The following KCTD1 variants were observed in gnomAD, a reference collection of about 807,000 sequenced individuals.
KCTD1 encodes potassium channel tetramerization domain containing 1.
In KCTD1, 24 loss-of-function variants were observed where a neutral mutation model predicts 66.0. The observed-to-expected ratio is 0.36, with a 90% confidence interval of 0.26 to 0.51. The LOEUF is 0.51. KCTD1 is among the 20% of genes least tolerant of loss of function. The pLI is 0.95. For synonymous variants in KCTD1, 511 were observed against 517.2 expected (o/e 0.99, Z 0.16); for missense variants, 943 against 1,205.2 (o/e 0.78, Z 3.22).
At chr18:26,635,976 C>T (rs1156849815) in intron 1 of KCTD1, among the ~76,000 whole-genome samples, 1 of 152,068 alleles carries the variant, frequency 6.6e-6, no homozygotes, top group Non-Finnish European at 1.5e-5. Context: ...GGACACACAC[C>T]AGGGAACTGC....
At position 26,547,109 on chromosome 18, in the gene KCTD1, C is replaced by A. The variant is rs1009227562; in HGVS notation, c.1428G>T (p.Pro476=). 51 of 1,548,770 alleles carry A rather than the reference C, an allele frequency of 3.3e-5. No individual in the cohort carries two copies. The highest frequency in any genetic ancestry group is 4.3e-5 in the Non-Finnish European group (49 of 1,146,706). ...GIGTKLGSPA[P]QGCYAEALNG... ...TCAGAGCCTCGGCGTAGCAGCCCTGCGGGGCGGGCGAGCCCAGCTTGGTGC... is the reference window on the plus strand; with the variant it reads ...TCAGAGCCTCGGCGTAGCAGCCCTGAGGGGCGGGCGAGCCCAGCTTGGTGC... The change falls in exon 1 of 5, where the codon CCG becomes CCT. Residue 476 remains proline (P), a synonymous_variant. Transcript: ENST00000580059.
rs958567838 is a variant in KCTD1, at chr18:26,629,116, T to C, written c.-16+31A>G. On this transcript the variant is annotated intron_variant, in intron 1 of 4. Transcript: ENST00000317932. ...ATGGCAACAAATCTACAACAAATTATGAGGGAGGAAGTGTGGAAGGGTTTT... is the reference window on the plus strand; with the variant it reads ...ATGGCAACAAATCTACAACAAATTACGAGGGAGGAAGTGTGGAAGGGTTTT... 8 of 936,668 alleles carry C rather than the reference T, an allele frequency of 8.5e-6. No individual in the cohort carries two copies. The Admixed American group carries it at 1.9e-4, about 22-fold the overall frequency. The allele number at this position is 936,668 out of a possible 1,614,324, so 58.0% of individuals were successfully genotyped here. A position where few individuals can be genotyped will look rare whatever the true frequency, so the allele number is the denominator to read the frequency against.
chr18:26,479,292 A>G (rs6508445), intron 2 of KCTD1, among the ~76,000 whole-genome samples: 111,916 of 151,956 alleles, frequency 0.74, 41,961 homozygotes, highest in East Asian at 0.99. Context: ...GGAAGGCCTG[A>G]ATTCCACCCA....
intron 1 of KCTD1, among the ~76,000 whole-genome samples, chr18:26,514,709 G>A (rs1983560842): frequency 1.3e-5 from 2 of 152,200 alleles, no homozygotes; most frequent in Admixed American, 6.5e-5. Context: ...GTGACATCTG[G>A]CATTCACTGG....
intron 1 of KCTD1, among the ~76,000 whole-genome samples, chr18:26,617,643 C>T (rs1462389095): frequency 1.3e-5 from 2 of 152,108 alleles, no homozygotes; most frequent in Non-Finnish European, 2.9e-5. Flanking sequence ...GCCACAGCCT[C>T]CTATGTGGTA....
chr18:26,600,397 T>C (rs1986864448), intron 1 of KCTD1: 1 of 901,806 alleles, frequency 1.1e-6, no homozygotes, highest in Non-Finnish European at 1.8e-6. Flanking sequence ...GTCCCTCAAA[T>C]CCCACCACGG....
At chr18:26,460,038 G>T (rs1980333931) in intron 3 of KCTD1, 113 bp from the exon 4 acceptor site, 1 of 775,300 alleles carries the variant, frequency 1.3e-6, no homozygotes, top group Non-Finnish European at 2.1e-6. Flanking sequence ...AATCAAATCT[G>T]CATGTGCGTT....
intron 1 of KCTD1, chr18:26,566,289 G>T (rs1169143621): frequency 6.6e-6 from 1 of 152,182 alleles, no homozygotes; most frequent in Non-Finnish European, 1.5e-5. Flanking sequence ...CACTGTATCT[G>T]TGACCTGGGT....
upstream of KCTD1, among the ~76,000 whole-genome samples, chr18:26,633,183 T>C (rs548114346): frequency 5.3e-5 from 8 of 152,292 alleles, no homozygotes; most frequent in South Asian, 1.7e-3. Context: ...TATGAGAATG[T>C]AATATACATC....
chr18:26,606,687 G>C lies in KCTD1; in HGVS notation c.-16+22460C>G, dbSNP rs527982064. Among the ~76,000 whole-genome samples, 18 of 152,262 alleles carry C rather than the reference G, an allele frequency of 1.2e-4. No individual in the cohort carries two copies. The South Asian group carries it at 3.7e-3, about 32-fold the overall frequency. Reference sequence around the variant, plus strand: ...CCAGTCAAGGCCAGTTCTGACCATCGAGCCCTTGGCTGACCTGCTGGCCGA... The same window carrying C: ...CCAGTCAAGGCCAGTTCTGACCATCCAGCCCTTGGCTGACCTGCTGGCCGA... On this transcript the variant is annotated intron_variant, in intron 1 of 4. Coordinates refer to the KCTD1 transcript ENST00000317932.
chr18:26,594,348 G>GACTTATTT (rs1443898913), intron 1 of KCTD1, among the ~76,000 whole-genome samples: 4 of 152,218 alleles, frequency 2.6e-5, no homozygotes, highest in Non-Finnish European at 5.9e-5. Context: ...TTTGGCATTT[G>GACTTATTT]TGTACAGACT....
intron 3 of KCTD1, among the ~76,000 whole-genome samples, chr18:26,461,175 G>A (rs1980403279): frequency 6.6e-6 from 1 of 152,198 alleles, no homozygotes; most frequent in South Asian, 2.1e-4. Context: ...TCTTTCTCTT[G>A]CAAATCAAGC....
At chr18:26,599,767 T>C in intron 1 of KCTD1, 1 of 1,578,630 alleles carries the variant, frequency 6.3e-7, no homozygotes, top group Non-Finnish European at 8.7e-7. Flanking sequence ...CCTGACTCTT[T>C]CTGGTCTTGT....
chr18:26,605,333 A>G (rs952928943), intron 1 of KCTD1, among the ~76,000 whole-genome samples: 2 of 152,036 alleles, frequency 1.3e-5, no homozygotes, highest in Non-Finnish European at 2.9e-5. Flanking sequence ...TTTTGCCCCA[A>G]TTTTTCCCCA....
intron 1 of KCTD1, among the ~76,000 whole-genome samples, chr18:26,617,875 G>A (rs939109190): frequency 1.5e-5 from 2 of 134,566 alleles, no homozygotes; most frequent in Admixed American, 7.3e-5. Flanking sequence ...GAGGGAGGGA[G>A]GGAGGGAAGG....
intron 1 of KCTD1, among the ~76,000 whole-genome samples, chr18:26,584,530 C>A (rs930367108): frequency 6.6e-5 from 10 of 152,134 alleles, no homozygotes; most frequent in African/African-American, 2.4e-4. Flanking sequence ...TTCATTAGAT[C>A]TTTCAGTCAT....
intron 2 of KCTD1, among the ~76,000 whole-genome samples, chr18:26,483,767 G>A (rs1981771620): frequency 6.6e-6 from 1 of 152,050 alleles, no homozygotes; most frequent in East Asian, 1.9e-4. Flanking sequence ...GTGTGTGTGT[G>A]CACACATGAG....
At chr18:26,622,714 T>C (rs1987412563) in intron 1 of KCTD1, among the ~76,000 whole-genome samples, 1 of 151,716 alleles carries the variant, frequency 6.6e-6, no homozygotes, top group African/African-American at 2.4e-5. Context: ...GACATTTAAG[T>C]TGAGATCTGA....
At chr18:26,564,339 C>T (rs1226994048) in intron 1 of KCTD1, among the ~76,000 whole-genome samples, 1 of 152,088 alleles carries the variant, frequency 6.6e-6, no homozygotes, top group Non-Finnish European at 1.5e-5. Context: ...TCTAGCTGCA[C>T]CTCAGTGTGC....
Sources: allele counts gnomAD v4.1 joint callset (sites outside exome capture counted in the v4.1 genomes callset), GRCh38; gene constraint gnomAD v4.1.1; transcripts MANE v1.5; gene names NCBI Gene and HGNC (gene_info 2026-07-23, HGNC 2026-07-21).